The following THSD4 variants were observed in gnomAD, a reference collection of about 807,000 sequenced individuals.
THSD4 encodes the protein thrombospondin type 1 domain containing 4.
Under a neutral mutation model 119.0 loss-of-function variants are expected in THSD4, and 69 were observed. The observed-to-expected ratio is 0.58, with a 90% confidence interval of 0.48 to 0.71. The LOEUF (loss-of-function observed/expected upper bound fraction) is 0.71. Among genes scored for constraint, THSD4 ranks in the 30% least tolerant of loss-of-function variants. The pLI, the probability that THSD4 is intolerant of heterozygous loss-of-function variation, is 0.00. For missense variants in THSD4, 1,393 were observed against 1,391.1 expected, an observed-to-expected ratio of 1.00 and a Z score of -0.02; for synonymous variants, 524 against 540.4, an observed-to-expected ratio of 0.97 and a Z score of 0.42.
Position 71,121,695 on chromosome 15 carries a change from G to A in THSD4, c.-80+5997G>A, listed in dbSNP as rs544061805. 3.9e-5 allele frequency among the ~76,000 whole-genome samples: 6 copies of A among 152,262 alleles called. 1 individual carries two copies. The South Asian group carries it at 1.2e-3, about 32-fold the overall frequency. On this transcript the variant is annotated intron_variant, in intron 1 of 17. Coordinates refer to ENST00000261862, the MANE Select transcript of THSD4 (RefSeq NM_024817.3). ...TCCTCCAGTGGTACTGGCCAATTCTGCACTGGCTCTGCTCCTTGCTAGCTT... is the reference window on the plus strand; with the variant it reads ...TCCTCCAGTGGTACTGGCCAATTCTACACTGGCTCTGCTCCTTGCTAGCTT...
chr15:71,492,497 G>A (rs2047936370), intron 7 of THSD4, among the ~76,000 whole-genome samples: 1 of 152,020 alleles, frequency 6.6e-6, no homozygotes, highest in Admixed American at 6.6e-5. Context: ...AAGTTGGCCA[G>A]CCTGGTCTTG....
chr15:71,736,080 GCTCT>G (rs2053094084), intron 10 of THSD4, among the ~76,000 whole-genome samples: 1 of 50,720 alleles, frequency 2.0e-5, no homozygotes. Context: ...TCTCTCTCTT[GCTCT>G]CTGTCTCTCT....
intron 6 of THSD4, among the ~76,000 whole-genome samples, chr15:71,386,070 G>C (rs549782452): frequency 6.6e-6 from 1 of 152,302 alleles, no homozygotes; most frequent in South Asian, 2.1e-4. Flanking sequence ...ATAGGCACCA[G>C]TATTTCCTGG....
chr15:71,310,105 G>A (rs553551895), intron 6 of THSD4, among the ~76,000 whole-genome samples: 1 of 152,300 alleles, frequency 6.6e-6, no homozygotes, highest in South Asian at 2.1e-4. Context: ...TTTTCAAACC[G>A]TGGTCCTTGG....
intron 5 of THSD4, among the ~76,000 whole-genome samples, chr15:71,245,819 G>A (rs1358284388): frequency 6.6e-6 from 1 of 152,132 alleles, no homozygotes; most frequent in African/African-American, 2.4e-5. Context: ...TTTAGGGAGT[G>A]GTGAGAACTG....
At chr15:71,407,121 G>A (rs1397179904) in intron 6 of THSD4, among the ~76,000 whole-genome samples, 1 of 152,184 alleles carries the variant, frequency 6.6e-6, no homozygotes, top group Non-Finnish European at 1.5e-5. Flanking sequence ...AATATTAGTA[G>A]AGCTACTCTA....
intron 7 of THSD4, among the ~76,000 whole-genome samples, chr15:71,545,390 C>A (rs2048821858): frequency 1.3e-5 from 2 of 152,170 alleles, no homozygotes; most frequent in Non-Finnish European, 2.9e-5. Flanking sequence ...GGCCGCCTGT[C>A]TGTTTTTACA....
At chr15:71,543,292 A>G (rs1378197000) in intron 7 of THSD4, among the ~76,000 whole-genome samples, 1 of 152,180 alleles carries the variant, frequency 6.6e-6, no homozygotes, top group Non-Finnish European at 1.5e-5. Flanking sequence ...GAGTGACATG[A>G]TTGGAGTCAC....
At chr15:71,242,522 TTC>T (rs755305680) in intron 4 of THSD4, 125 bp from the exon 5 acceptor site, 2 of 991,640 alleles carry the variant, frequency 2.0e-6, no homozygotes, top group South Asian at 3.2e-5. Flanking sequence ...TGCTTCCCAG[TTC>T]TACCATAGAC....
intron 7 of THSD4, among the ~76,000 whole-genome samples, chr15:71,447,888 T>A (rs762611184): frequency 3.3e-5 from 5 of 152,142 alleles, no homozygotes; most frequent in Non-Finnish European, 7.4e-5. Flanking sequence ...CATGAACACA[T>A]CCTGGCTCTT....
At chr15:71,634,282 A>G (rs554711824) in intron 7 of THSD4, among the ~76,000 whole-genome samples, 48 of 152,316 alleles carry the variant, frequency 3.2e-4, no homozygotes, top group Non-Finnish European at 5.4e-4. Flanking sequence ...TAAGTAAAGC[A>G]GTTAGCAGAG....
At chr15:71,542,767 C>T (rs1251927184) in intron 7 of THSD4, among the ~76,000 whole-genome samples, 5 of 151,944 alleles carry the variant, frequency 3.3e-5, no homozygotes, top group Non-Finnish European at 7.4e-5. Context: ...GTCCCAGCTA[C>T]TCGGGACGCT....
At chr15:71,427,464 T>TG (rs888639762) in intron 7 of THSD4, among the ~76,000 whole-genome samples, 16 of 151,108 alleles carry the variant, frequency 1.1e-4, no homozygotes, top group Non-Finnish European at 2.4e-4. Context: ...TGAAAAATGG[T>TG]GGGGGGCACA....
chr15:71,325,839 G>T (rs1400078697), intron 6 of THSD4, among the ~76,000 whole-genome samples: 2 of 152,144 alleles, frequency 1.3e-5, no homozygotes, highest in African/African-American at 4.8e-5. Context: ...ACTCTAGATA[G>T]TTTGTCCAGG....
chr15:71,197,632 G>A (rs2043731804), intron 3 of THSD4, among the ~76,000 whole-genome samples: 1 of 152,150 alleles, frequency 6.6e-6, no homozygotes, highest in African/African-American at 2.4e-5. Context: ...CCAAGGCTTA[G>A]GACAGCAGAG....
intron 14 of THSD4, among the ~76,000 whole-genome samples, chr15:71,752,415 T>A (rs1379597176): frequency 6.6e-6 from 1 of 152,256 alleles, no homozygotes; most frequent in East Asian, 1.9e-4. Flanking sequence ...TTTATTCTAT[T>A]CAGGGAACTC....
At chr15:71,692,345 C>T (rs890382554) in intron 8 of THSD4, among the ~76,000 whole-genome samples, 3 of 152,298 alleles carry the variant, frequency 2.0e-5, no homozygotes, top group East Asian at 1.9e-4. Flanking sequence ...CCTCAAAACA[C>T]GAGAGGACTT....
At chr15:71,355,748 G>A (rs1251754224) in intron 6 of THSD4, among the ~76,000 whole-genome samples, 1 of 152,200 alleles carries the variant, frequency 6.6e-6, no homozygotes, top group Non-Finnish European at 1.5e-5. Flanking sequence ...CGTGCTGCTG[G>A]CTTGACTGCG....
chr15:71,777,379 C>T lies in THSD4; in HGVS notation c.*5C>T, dbSNP rs2053933940. Reference sequence around the variant, plus strand: ...GGCTTCCTGGGGAGCAGATAACACTCCTGCACCCCCATCAGTAGGGCAGCA... The same window carrying T: ...GGCTTCCTGGGGAGCAGATAACACTTCTGCACCCCCATCAGTAGGGCAGCA... On this transcript the variant is annotated 3_prime_UTR_variant, in exon 18 of 18. Coordinates refer to ENST00000261862, the MANE Select transcript of THSD4 (RefSeq NM_024817.3). 1 of 1,612,538 alleles carries T rather than the reference C, an allele frequency of 6.2e-7. No individual in the cohort carries two copies. The highest frequency in any genetic ancestry group is 8.5e-7 in the Non-Finnish European group (1 of 1,179,606).
Sources: gnomAD v4.1 joint callset for allele counts (sites outside exome capture counted in the v4.1 genomes callset) on GRCh38, gnomAD v4.1.1 for gene constraint, MANE v1.5 for transcripts, NCBI Gene and HGNC (gene_info 2026-07-23, HGNC 2026-07-21) for gene names.